Variants in DIP2C observed in about 807,000 individuals in gnomAD.
The protein encoded by DIP2C is DIP2 acetate--CoA ligase C (putative).
A neutral mutation model predicts 192.4 loss-of-function variants in DIP2C; 33 were observed. The ratio of observed to expected loss-of-function variants is 0.17; its 90% CI spans 0.13 to 0.23. The LOEUF (loss-of-function observed/expected upper bound fraction) is 0.23. Ranked by LOEUF, DIP2C falls within the 10% of genes least tolerant of loss-of-function variation. The probability of loss-of-function intolerance (pLI) is 1.00; values close to 1 mark genes in which losing one functional copy is unlikely to be tolerated. For missense variants in DIP2C, 1,537 were observed against 2,110.1 expected (o/e 0.73, Z 5.32); for synonymous variants, 979 against 864.1 (o/e 1.13, Z -2.33).
At chr10:619,028 A>G (rs984604942) in intron 1 of DIP2C, among the ~76,000 whole-genome samples, 2 of 152,194 alleles carry the variant, frequency 1.3e-5, no homozygotes, top group East Asian at 1.9e-4. Context: ...CCTGCTTCCC[A>G]TAAGAAATAA....
chr10:363,347 G>C lies in DIP2C; in HGVS notation c.2478-36C>G. 6.3e-7 allele frequency: 1 copy of C among 1,588,298 alleles called. No individual in the cohort carries two copies. Among genetic ancestry groups the C allele is most frequent in the Non-Finnish European group, 8.6e-7 (1 of 1,164,678 alleles). On this transcript the variant is annotated intron_variant, in intron 20 of 36. Transcript: ENST00000280886. This position sits in a 1 kb window ranked among gnomAD's most constrained non-coding sequence, Gnocchi z 5.4. The stretch of plus-strand genomic sequence containing the variant: ...ACAGGAGCATGGTGAGCACGCGCCG[G>C]GGACGCTCATGCAGCCCTCCCTCCG...
At chr10:650,137 C>T (rs865946242) in intron 1 of DIP2C, 4 of 717,168 alleles carry the variant, frequency 5.6e-6, no homozygotes, top group Non-Finnish European at 1.0e-5. Flanking sequence ...GGGACAAGGA[C>T]CCCCCAGGAG....
intron 1 of DIP2C, chr10:630,440 T>G (rs1260023063): frequency 6.6e-6 from 1 of 152,260 alleles, no homozygotes; most frequent in African/African-American, 2.4e-5. Flanking sequence ...TAAGGTAACA[T>G]ATTCATGGCA....
At chr10:526,259 G>A (rs1847044633) in intron 1 of DIP2C, among the ~76,000 whole-genome samples, 1 of 152,208 alleles carries the variant, frequency 6.6e-6, no homozygotes, top group Non-Finnish European at 1.5e-5. Context: ...GTGGCTGTGG[G>A]CAGGGAGATG....
At chr10:342,375 G>C (rs2132567872) in intron 28 of DIP2C, among the ~76,000 whole-genome samples, 1 of 152,210 alleles carries the variant, frequency 6.6e-6, no homozygotes, top group Non-Finnish European at 1.5e-5. Flanking sequence ...AGGCAGGATG[G>C]TCTCGATCTC....
At chr10:673,030 T>C (rs1183309340) in intron 1 of DIP2C, among the ~76,000 whole-genome samples, 1 of 152,190 alleles carries the variant, frequency 6.6e-6, no homozygotes, top group South Asian at 2.1e-4. Context: ...AAATGTGCAG[T>C]GTAAGCCTGT....
chr10:369,672 A>G (rs373898594), intron 17 of DIP2C, 39 bp from the exon 18 acceptor site: 3 of 1,613,852 alleles, frequency 1.9e-6, no homozygotes, highest in Non-Finnish European at 2.5e-6. Flanking sequence ...GCAGGAGCAG[A>G]TAAGCCATCA....
intron 4 of DIP2C, among the ~76,000 whole-genome samples, chr10:424,503 T>C (rs1282480283): frequency 6.6e-6 from 1 of 151,776 alleles, no homozygotes; most frequent in Non-Finnish European, 1.5e-5. Context: ...GTAGCTGAGA[T>C]TACAGGCACC....
intron 1 of DIP2C, among the ~76,000 whole-genome samples, chr10:526,078 T>TC (rs1409078157): frequency 1.3e-5 from 2 of 152,100 alleles, no homozygotes; most frequent in Non-Finnish European, 2.9e-5. Flanking sequence ...TCACCATCGG[T>TC]CCCAAGTTTA....
chr10:443,617 C>T (rs546613133), intron 3 of DIP2C, among the ~76,000 whole-genome samples: 3 of 152,294 alleles, frequency 2.0e-5, no homozygotes, highest in South Asian at 2.1e-4. Context: ...CTACATCTGT[C>T]GGGAGCCACC....
intron 32 of DIP2C, among the ~76,000 whole-genome samples, chr10:288,849 C>T (rs1955307455): frequency 6.6e-6 from 1 of 152,226 alleles, no homozygotes; most frequent in African/African-American, 2.4e-5. Flanking sequence ...AGAGCCCTCC[C>T]AAGACAGCGC....
chr10:606,546 G>A (rs867955497), intron 1 of DIP2C, among the ~76,000 whole-genome samples: 4 of 147,998 alleles, frequency 2.7e-5, no homozygotes, highest in Non-Finnish European at 4.5e-5. Context: ...GCTGTGATCC[G>A]AATTCTCATT....
At position 667,000 on chromosome 10, in the gene DIP2C, A is replaced by G. The variant is rs939080339; in HGVS notation, c.85+22494T>C. Reference sequence around the variant, plus strand: ...CATTCACAGCAACACCACGAAAAAGAAACTACTGCTCTGACCTGGAAAAAT... The same window carrying G: ...CATTCACAGCAACACCACGAAAAAGGAACTACTGCTCTGACCTGGAAAAAT... On this transcript the variant is annotated intron_variant, in intron 1 of 36. Transcript: ENST00000280886. This position sits in a 1 kb window ranked among gnomAD's most constrained non-coding sequence, Gnocchi z 4.1. 6.6e-6 allele frequency: 1 copy of G among 152,332 alleles called. No homozygotes were observed. The highest frequency in any genetic ancestry group is 1.5e-5 in the Non-Finnish European group (1 of 68,094). 9.4% of individuals were successfully genotyped at this position (152,332 alleles called of 1,614,324 possible).
chr10:669,261 C>G (rs1425296169), intron 1 of DIP2C: 2 of 152,172 alleles, frequency 1.3e-5, no homozygotes, highest in Admixed American at 1.3e-4. Context: ...ACCCCGGCCC[C>G]CAACACACCA....
chr10:504,949 T>C (rs2130730638), intron 1 of DIP2C, among the ~76,000 whole-genome samples: 1 of 152,268 alleles, frequency 6.6e-6, no homozygotes, highest in South Asian at 2.1e-4. Flanking sequence ...CCATATGAGC[T>C]CATGTGACTC....
chr10:662,314 C>T (rs1856809602), intron 1 of DIP2C, among the ~76,000 whole-genome samples: 1 of 152,228 alleles, frequency 6.6e-6, no homozygotes, highest in African/African-American at 2.4e-5. Flanking sequence ...AGAACACTTG[C>T]TTGATAATTT....
chr10:668,058 TACAACACACTCATACAACACAC>T (rs1434175349), intron 1 of DIP2C: 21 of 150,266 alleles, frequency 1.4e-4, no homozygotes, highest in African/African-American at 4.9e-4. Flanking sequence ...AACATACACA[TACAACACACTCATACAACACAC>T]ACAACACATG....
At position 573,403 on chromosome 10, in the gene DIP2C, CAT is replaced by C. The variant is rs538981011; in HGVS notation, c.86-86875_86-86874del. Among the ~76,000 whole-genome samples, 139 of 152,234 alleles carry C rather than the reference CAT, an allele frequency of 9.1e-4. 2 individuals carry two copies. Among genetic ancestry groups the C allele is most frequent in the Admixed American group, 7.5e-3 (114 of 15,280 alleles). On this transcript the variant is annotated intron_variant, in intron 1 of 36. Transcript: ENST00000280886. ...AGAGCGCAGCCGGGCAGTTCACCCA[CAT>C]GTTATTATCGTTGCTGTTTTTCGGA...
chr10:681,600 C>T (rs1403543090), intron 1 of DIP2C, among the ~76,000 whole-genome samples: 1 of 151,690 alleles, frequency 6.6e-6, no homozygotes, highest in Non-Finnish European at 1.5e-5. Flanking sequence ...GACCCTTAGT[C>T]ACATGGTACA....
Sources: gnomAD v4.1 joint callset for allele counts (sites outside exome capture counted in the v4.1 genomes callset) on GRCh38, gnomAD v4.1.1 for gene constraint, Gnocchi (gnomAD v3.1) non-coding constraint, MANE v1.5 for transcripts, NCBI Gene and HGNC (gene_info 2026-07-23, HGNC 2026-07-21) for gene names.